Variants in WDR27 observed in about 807,000 individuals in gnomAD.
The protein encoded by WDR27 is WD repeat domain 27, also known as WD repeat-containing protein 27.
A neutral mutation model predicts 114.4 loss-of-function variants in WDR27; 100 were observed. That is an observed-to-expected ratio of 0.87 (90% confidence interval 0.74 to 1.03). The LOEUF (loss-of-function observed/expected upper bound fraction) is 1.03, where lower values mean the gene tolerates loss of function less well. Ranked by LOEUF, WDR27 falls within the 50% of genes least tolerant of loss-of-function variation. The pLI is 0.00. For missense variants in WDR27, 1,129 were observed against 1,092.9 expected, an observed-to-expected ratio of 1.03 and a Z score of -0.47; for synonymous variants, 449 against 423.1, an observed-to-expected ratio of 1.06 and a Z score of -0.75.
chr6:169,649,366 A>C (rs1408945536), intron 14 of WDR27, 91 bp from the exon 15 acceptor site: 1 of 1,104,228 alleles, frequency 9.1e-7, no homozygotes, highest in Non-Finnish European at 1.3e-6. Context: ...AAAATTATAT[A>C]CATAGATATA....
intron 1 of WDR27, among the ~76,000 whole-genome samples, chr6:169,691,192 G>T (rs1784412963): frequency 6.6e-6 from 1 of 152,096 alleles, no homozygotes; most frequent in African/African-American, 2.4e-5. Context: ...TCCAGCCTGG[G>T]CAACAGAGCG....
In WDR27 at chr6:169,649,284, A is replaced by C; in HGVS notation, c.1482-9T>G. 1 of 1,558,848 alleles carries C rather than the reference A, an allele frequency of 6.4e-7. No homozygotes were observed. The highest frequency in any genetic ancestry group is 8.7e-7 in the Non-Finnish European group (1 of 1,149,238). ...GTGAAAACATAGTTACACTGTGGAA[A>C]GAAAACTCTAATATCACTCTCAAAT... On this transcript the variant is annotated splice_polypyrimidine_tract_variant and intron_variant, in intron 14 of 25. Transcript: ENST00000448612.
chr6:169,593,309 A>C (rs725724), intron 23 of WDR27, among the ~76,000 whole-genome samples: 13,696 of 152,264 alleles, frequency 0.09, 1,710 homozygotes, highest in East Asian at 0.58. Context: ...TTCTACGAAA[A>C]GTGGCCTGTT....
chr6:169,453,706 A>G (rs1784242588), downstream of WDR27, among the ~76,000 whole-genome samples: 1 of 152,246 alleles, frequency 6.6e-6, no homozygotes, highest in Non-Finnish European at 1.5e-5. Context: ...TGACAAAAAT[A>G]GGCATTAAAT....
At chr6:169,512,140 T>G (rs555678357) in intron 25 of WDR27, among the ~76,000 whole-genome samples, 1 of 152,242 alleles carries the variant, frequency 6.6e-6, no homozygotes, top group African/African-American at 2.4e-5. Flanking sequence ...ACAAAATATA[T>G]TTTTTAGATT....
At chr6:169,609,111 T>G (rs144147691) in intron 22 of WDR27, among the ~76,000 whole-genome samples, 1 of 151,946 alleles carries the variant, frequency 6.6e-6, no homozygotes, top group East Asian at 2.1e-4. Context: ...GCTCTGTCCC[T>G]GTGGCTTTGC....
intron 25 of WDR27, among the ~76,000 whole-genome samples, chr6:169,527,271 T>A (rs1352282728): frequency 1.3e-5 from 2 of 152,248 alleles, no homozygotes; most frequent in African/African-American, 4.8e-5. Flanking sequence ...ATGGATAAAC[T>A]GTGGTATATC....
intron 21 of WDR27, among the ~76,000 whole-genome samples, chr6:169,621,539 C>T (rs568494583): frequency 8.6e-5 from 13 of 150,686 alleles, no homozygotes; most frequent in South Asian, 2.1e-4. Flanking sequence ...CACACACGCA[C>T]GCATATACAT....
intron 23 of WDR27, among the ~76,000 whole-genome samples, chr6:169,595,514 C>T (rs1385589615): frequency 2.0e-5 from 3 of 152,122 alleles, no homozygotes; most frequent in Non-Finnish European, 2.9e-5. Context: ...CTCTTAATTA[C>T]ATTTAAGAGT....
chr6:169,486,453 T>C (rs1788913074), intron 25 of WDR27, among the ~76,000 whole-genome samples: 1 of 152,140 alleles, frequency 6.6e-6, no homozygotes, highest in African/African-American at 2.4e-5. Context: ...GCAGCCTTTG[T>C]TTCCTCCACC....
chr6:169,698,524 T>G (rs1472929178), intron 1 of WDR27, among the ~76,000 whole-genome samples: 1 of 152,252 alleles, frequency 6.6e-6, no homozygotes, highest in East Asian at 1.9e-4. Context: ...TAAAATCATT[T>G]GTGTAAAAAG....
the WDR27 span, among the ~76,000 whole-genome samples, chr6:169,444,194 A>G: frequency 2.6e-5 from 4 of 152,152 alleles, no homozygotes; most frequent in African/African-American, 7.2e-5. Context: ...TAACTCCCGC[A>G]AAAACTTACG....
In WDR27 at chr6:169,557,363, A is replaced by G. The variant is rs1415077283; in HGVS notation, c.2645+15056T>C. ...TGTGATGGACACAAGAGCAGTTTCC[A>G]CCTTGGAGAGTGGAAATGAGGACTG... On this transcript the variant is annotated intron_variant, in intron 25 of 25. Coordinates refer to ENST00000448612, the MANE Select transcript of WDR27 (RefSeq NM_182552.5). Among the ~76,000 whole-genome samples the G allele has an allele frequency of 2.4e-4, 37 of 152,194 alleles. 2 individuals are homozygous for G. The highest frequency in any genetic ancestry group is 2.4e-3 in the Admixed American group (36 of 15,278).
At chr6:169,608,969 C>T (rs1354442101) in intron 22 of WDR27, among the ~76,000 whole-genome samples, 1 of 152,164 alleles carries the variant, frequency 6.6e-6, no homozygotes, top group Non-Finnish European at 1.5e-5. Context: ...AACAAAGGGG[C>T]TAGAGGCCCC....
chr6:169,449,487 C>T, the WDR27 span, among the ~76,000 whole-genome samples: 11 of 152,094 alleles, frequency 7.2e-5, no homozygotes, highest in Middle Eastern at 3.2e-3. Flanking sequence ...AAGGGGAACA[C>T]GTCGACCCTA....
intron 25 of WDR27, among the ~76,000 whole-genome samples, chr6:169,467,053 C>T (rs1785684545): frequency 6.6e-6 from 1 of 152,142 alleles, no homozygotes; most frequent in South Asian, 2.1e-4. Flanking sequence ...GTCCAAAATC[C>T]AGTGGGGCAG....
chr6:169,549,933 A>G (rs73792933), intron 25 of WDR27, among the ~76,000 whole-genome samples: 2,469 of 152,316 alleles, frequency 0.016, 63 homozygotes, highest in African/African-American at 0.057. Flanking sequence ...GAGAACATAC[A>G]CTATGATGCT....
intron 23 of WDR27, among the ~76,000 whole-genome samples, chr6:169,595,783 CTTTAT>C (rs1396636643): frequency 5.8e-5 from 3 of 51,972 alleles, no homozygotes; most frequent in Non-Finnish European, 8.4e-5. Context: ...TTTTATACAG[CTTTAT>C]TTTTTTTTTT....
At chr6:169,429,081 T>C in the WDR27 span, among the ~76,000 whole-genome samples, 3 of 151,716 alleles carry the variant, frequency 2.0e-5, no homozygotes, top group East Asian at 3.9e-4. Context: ...CAGCAGCCCC[T>C]CTCCTGCAGC....
Sources: gnomAD v4.1 joint callset for allele counts (sites outside exome capture counted in the v4.1 genomes callset) on GRCh38, gnomAD v4.1.1 for gene constraint, MANE v1.5 for transcripts, NCBI Gene and HGNC (gene_info 2026-07-23, HGNC 2026-07-21) for gene names.